The following ERBB4 variants were observed in gnomAD, a reference collection of about 807,000 sequenced individuals.
ERBB4 encodes receptor tyrosine-protein kinase erbB-4.
A neutral mutation model predicts 158.0 loss-of-function variants in ERBB4; 42 were observed. That is an observed-to-expected ratio of 0.27 (90% CI 0.21 to 0.34). The LOEUF (loss-of-function observed/expected upper bound fraction) is 0.34. Ranked by LOEUF, ERBB4 falls within the 10% of genes least tolerant of loss-of-function variation. ERBB4 has a pLI of 1.00. For synonymous variants in ERBB4, 583 were observed against 558.7 expected (o/e 1.04, Z -0.61); for missense variants, 1,333 against 1,624.1 (o/e 0.82, Z 3.08).
chr2:212,435,675 T>C (rs773345303), intron 1 of ERBB4, among the ~76,000 whole-genome samples: 6 of 151,934 alleles, frequency 3.9e-5, no homozygotes, highest in Non-Finnish European at 7.4e-5. Flanking sequence ...TCCCAGGTTC[T>C]AGATGAAGTC....
intron 19 of ERBB4, among the ~76,000 whole-genome samples, chr2:211,616,599 G>T (rs930740901): frequency 2.6e-5 from 4 of 152,090 alleles, no homozygotes; most frequent in Non-Finnish European, 4.4e-5. Context: ...AAAAATGTAG[G>T]TATGAAATAT....
chr2:212,336,967 C>A (rs2106309868), intron 1 of ERBB4, among the ~76,000 whole-genome samples: 1 of 152,192 alleles, frequency 6.6e-6, no homozygotes, highest in South Asian at 2.1e-4. Flanking sequence ...GTCTATGGAT[C>A]TCATTTTGAG....
intron 2 of ERBB4, among the ~76,000 whole-genome samples, chr2:211,954,347 CCTA>C (rs2080968526): frequency 6.6e-6 from 1 of 151,940 alleles, no homozygotes; most frequent in Admixed American, 6.6e-5. Flanking sequence ...TAGATTTTTT[CCTA>C]CTAAAATTAT....
chr2:211,463,711 CT>C (rs2064598141), intron 20 of ERBB4, among the ~76,000 whole-genome samples: 1 of 100,050 alleles, frequency 1.0e-5, no homozygotes, highest in African/African-American at 2.7e-5. Context: ...TCCTCCTCCC[CT>C]CCTACAGCAG....
rs537371462 is a variant in ERBB4 at position 212,056,715 on chromosome 2, G to T, written c.234+68037C>A. On this transcript the variant is annotated intron_variant, in intron 2 of 27. Coordinates refer to ENST00000342788, the MANE Select transcript of ERBB4 (RefSeq NM_005235.3). ...TGAAGGAGAAATAAAGACCTTTATA[G>T]ACAAGCAAATGCTGAGAGATTTTGT... 5.3e-5 allele frequency among the ~76,000 whole-genome samples: 8 copies of T among 152,286 alleles called. No homozygotes were observed. The South Asian group carries it at 1.7e-3, about 32-fold the overall frequency.
intron 3 of ERBB4, among the ~76,000 whole-genome samples, chr2:211,861,024 AT>A (rs2078006969): frequency 1.8e-4 from 1 of 5,610 alleles, no homozygotes; most frequent in African/African-American, 1.5e-3. Context: ...ATTTATATAT[AT>A]ATAAATATAA....
intron 2 of ERBB4, chr2:211,960,781 C>T (rs1279050863): frequency 2.6e-5 from 4 of 152,032 alleles, no homozygotes; most frequent in Admixed American, 6.6e-5. Flanking sequence ...GAGGAGTCTA[C>T]TCTTATGACT....
intron 14 of ERBB4, among the ~76,000 whole-genome samples, chr2:211,672,665 C>T (rs1279543977): frequency 1.3e-5 from 2 of 152,166 alleles, no homozygotes; most frequent in East Asian, 1.9e-4. Context: ...TGTGTGATAG[C>T]TTTCCTCAAA....
intron 1 of ERBB4, among the ~76,000 whole-genome samples, chr2:212,398,124 A>G (rs530793414): frequency 3.6e-4 from 55 of 151,298 alleles, no homozygotes; most frequent in East Asian, 1.4e-3. Flanking sequence ...GTGTGTGTGT[A>G]TATATATACA....
At chr2:211,980,106 A>G (rs1248589181) in intron 2 of ERBB4, among the ~76,000 whole-genome samples, 1 of 152,170 alleles carries the variant, frequency 6.6e-6, no homozygotes, top group Non-Finnish European at 1.5e-5. Flanking sequence ...ATTTGTATAG[A>G]CCTATTATTT....
At chr2:211,905,744 G>GTGTATATATATATA (rs749531602) in intron 3 of ERBB4, among the ~76,000 whole-genome samples, 1 of 119,388 alleles carries the variant, frequency 8.4e-6, no homozygotes, top group African/African-American at 3.2e-5. Flanking sequence ...GCATGTGTGT[G>GTGTATATATATATA]TATATATATA....
intron 1 of ERBB4, among the ~76,000 whole-genome samples, chr2:212,156,096 C>G (rs1397313793): frequency 6.6e-6 from 1 of 152,082 alleles, no homozygotes; most frequent in Non-Finnish European, 1.5e-5. Context: ...CTCAGCTCTC[C>G]TGGGTCTTGT....
At chr2:211,713,409 G>A (rs1426738573) in intron 8 of ERBB4, 126 bp downstream of exon 8, 7 of 695,014 alleles carry the variant, frequency 1.0e-5, no homozygotes, top group Non-Finnish European at 1.8e-5. Context: ...CAAAATTATG[G>A]AAAGCGTGTG....
rs60130196 is a variant in ERBB4 at position 212,233,963 on chromosome 2, T to TTTATTATTA, written c.83-109069_83-109061dup. Among the ~76,000 whole-genome samples, 276 of 143,812 alleles carry TTTATTATTA rather than the reference T, an allele frequency of 1.9e-3. 1 individual carries two copies. Among genetic ancestry groups the TTTATTATTA allele is most frequent in the African/African-American group, 4.9e-3 (191 of 39,084 alleles). 94.3% of individuals were successfully genotyped at this position (143,812 alleles called of 152,430 possible). A position where few individuals can be genotyped will look rare whatever the true frequency, so the allele number is the denominator to read the frequency against. On this transcript the variant is annotated intron_variant, in intron 1 of 27. Transcript: ENST00000342788. ...TTTTTGTATATGTCTCTTTGCATTA[T>TTTATTATTA]TTATTATTATTATTATTATTATTAT...
intron 2 of ERBB4, among the ~76,000 whole-genome samples, chr2:212,016,773 C>T (rs2076538552): frequency 6.6e-6 from 1 of 151,986 alleles, no homozygotes; most frequent in Admixed American, 6.6e-5. Flanking sequence ...GATACCTTAC[C>T]TTGCATAGTA....
intron 1 of ERBB4, among the ~76,000 whole-genome samples, chr2:212,495,985 T>A (rs952759436): frequency 1.3e-5 from 2 of 152,144 alleles, no homozygotes; most frequent in African/African-American, 4.8e-5. Flanking sequence ...ATATTTGGTA[T>A]TACTTGATAC....
chr2:212,042,783 C>T (rs1474074833), intron 2 of ERBB4, among the ~76,000 whole-genome samples: 1 of 152,090 alleles, frequency 6.6e-6, no homozygotes, highest in African/African-American at 2.4e-5. Context: ...ACTTGTCATC[C>T]ACATGGTTTA....
At chr2:212,494,326 G>A (rs1457361948) in intron 1 of ERBB4, among the ~76,000 whole-genome samples, 1 of 151,962 alleles carries the variant, frequency 6.6e-6, no homozygotes, top group East Asian at 1.9e-4. Flanking sequence ...ATATTAAAAA[G>A]AGGTAACTTT....
intron 1 of ERBB4, among the ~76,000 whole-genome samples, chr2:212,303,577 C>T (rs1011664022): frequency 6.6e-5 from 10 of 151,428 alleles, no homozygotes; most frequent in African/African-American, 2.4e-4. Flanking sequence ...ATGTTAAATA[C>T]ATCTTAGAAT....
Sources: allele counts gnomAD v4.1 joint callset (sites outside exome capture counted in the v4.1 genomes callset), GRCh38; gene constraint gnomAD v4.1.1; transcripts MANE v1.5; gene names NCBI Gene and HGNC (gene_info 2026-07-23, HGNC 2026-07-21).